The following TCF4 variants were observed in gnomAD, a reference collection of about 807,000 sequenced individuals.
TCF4 encodes SL3-3 enhancer factor 2.
In TCF4, 3 loss-of-function variants were observed where a neutral mutation model predicts 82.1. That is an observed-to-expected ratio of 0.04 (90% CI 0.02 to 0.09). The LOEUF is 0.09. TCF4 is among the 10% of genes least tolerant of loss of function. The pLI, the probability that TCF4 is intolerant of heterozygous loss-of-function variation, is 1.00. For missense variants in TCF4, 518 were observed against 852.7 expected, an observed-to-expected ratio of 0.61 and a Z score of 4.89; for synonymous variants, 276 against 309.6, an observed-to-expected ratio of 0.89 and a Z score of 1.14.
chr18:55,375,645 A>C (rs1170430368), intron 6 of TCF4, among the ~76,000 whole-genome samples: 1 of 152,200 alleles, frequency 6.6e-6, no homozygotes, highest in Non-Finnish European at 1.5e-5. Context: ...ACTAAAAAAA[A>C]CTACCAGAGG....
intron 2 of TCF4, among the ~76,000 whole-genome samples, chr18:55,597,480 C>T (rs1237400551): frequency 6.6e-6 from 1 of 151,978 alleles, no homozygotes; most frequent in African/African-American, 2.4e-5. Flanking sequence ...GCCTGGCCAA[C>T]ATGGTGAAAG....
At chr18:55,402,508 T>C (rs928659245) in intron 6 of TCF4, among the ~76,000 whole-genome samples, 8 of 150,370 alleles carry the variant, frequency 5.3e-5, no homozygotes, top group Non-Finnish European at 3.0e-5. Flanking sequence ...AAAAAAAAAG[T>C]ACATTTTGTT....
At position 55,588,070 on chromosome 18, in the gene TCF4, C is replaced by T; in HGVS notation, c.-53G>A. On this transcript the variant is annotated 5_prime_UTR_variant, in exon 1 of 20. Coordinates refer to ENST00000354452, the MANE Select transcript of TCF4 (RefSeq NM_001083962.2). ...GCGCGAGAAGGGGCTCTCCGTGCAC[C>T]GCCGGCGCCGAGGCGGCGTTCATGT... The T allele has an allele frequency of 1.0e-6, 1 of 993,002 alleles. No homozygotes were observed. Among genetic ancestry groups the T allele is most frequent in the Non-Finnish European group, 1.2e-6 (1 of 837,014 alleles). 61.5% of individuals were successfully genotyped at this position (993,002 alleles called of 1,614,324 possible).
chr18:55,287,268 G>A (rs1352766411), intron 8 of TCF4, among the ~76,000 whole-genome samples: 2 of 152,092 alleles, frequency 1.3e-5, no homozygotes, highest in African/African-American at 4.8e-5. Context: ...AATATATTTA[G>A]AACACAAACC....
chr18:55,417,150 C>T (rs80065909), intron 5 of TCF4, among the ~76,000 whole-genome samples: 1 of 152,056 alleles, frequency 6.6e-6, no homozygotes, highest in African/African-American at 2.4e-5. Flanking sequence ...TTTTTTTTAT[C>T]AAAGTTTAAA....
intron 6 of TCF4, among the ~76,000 whole-genome samples, chr18:55,353,627 A>C (rs1204053313): frequency 6.6e-6 from 1 of 152,218 alleles, no homozygotes; most frequent in Non-Finnish European, 1.5e-5. Context: ...GAGTATACTT[A>C]TAAAGCGAAC....
At chr18:55,490,683 T>C (rs2096566852) in intron 3 of TCF4, among the ~76,000 whole-genome samples, 1 of 152,100 alleles carries the variant, frequency 6.6e-6, no homozygotes, top group African/African-American at 2.4e-5. Context: ...TCAGGCACGT[T>C]AGCAACCTCA....
intron 2 of TCF4, among the ~76,000 whole-genome samples, chr18:55,610,053 C>G (rs1007707317): frequency 2.6e-5 from 4 of 151,944 alleles, no homozygotes; most frequent in Non-Finnish European, 4.4e-5. Context: ...GTTTCTTCAC[C>G]TAGTAGCACC....
chr18:55,455,451 G>C (rs2095726645), intron 5 of TCF4, among the ~76,000 whole-genome samples: 1 of 147,580 alleles, frequency 6.8e-6, no homozygotes, highest in South Asian at 2.2e-4. Context: ...TCCTTTCTCA[G>C]AAATTACTTG....
chr18:55,630,099 A>G lies in TCF4; in HGVS notation c.286+1199T>C, dbSNP rs576697249. Among the ~76,000 whole-genome samples, 6 of 152,334 alleles carry G rather than the reference A, an allele frequency of 3.9e-5. No individual in the cohort carries two copies. In the East Asian group the frequency reaches 1.2e-3, roughly 29 times the overall value. ...TGAAGACATTTGTGTCTTCAGCTAA[A>G]GTAAAGCAAAGGTTTGTTTTTTAAA... On this transcript the variant is annotated intron_variant, in intron 2 of 20. Coordinates refer to the TCF4 transcript ENST00000398339.
At chr18:55,390,521 T>C (rs1259251135) in intron 6 of TCF4, among the ~76,000 whole-genome samples, 2 of 152,134 alleles carry the variant, frequency 1.3e-5, no homozygotes, top group Non-Finnish European at 2.9e-5. Context: ...TAAGGCTCTA[T>C]ACAGCTGATT....
intron 17 of TCF4, 122 bp downstream of exon 17, chr18:55,232,387 A>C: frequency 1.8e-6 from 2 of 1,117,652 alleles, no homozygotes; most frequent in South Asian, 2.8e-5. Flanking sequence ...TAGGCCTTTA[A>C]TTTTCTTTTC....
intron 2 of TCF4, among the ~76,000 whole-genome samples, chr18:55,608,132 A>C (rs1314257344): frequency 2.0e-5 from 3 of 152,218 alleles, no homozygotes; most frequent in African/African-American, 4.8e-5. Flanking sequence ...ACAAAAAGAT[A>C]ATATTAATTC....
At chr18:55,422,203 CACGCCGA>C (rs2094796861) in intron 5 of TCF4, 34 of 980,644 alleles carry the variant, frequency 3.5e-5, no homozygotes, top group Admixed American at 6.4e-5. Context: ...TTATGGGTAG[CACGCCGA>C]GGGAGGCACC....
At chr18:55,460,147 G>C (rs1011594277) in intron 5 of TCF4, among the ~76,000 whole-genome samples, 1 of 152,136 alleles carries the variant, frequency 6.6e-6, no homozygotes, top group Non-Finnish European at 1.5e-5. Context: ...TTGTCCAACA[G>C]ATTGTACCAA....
chr18:55,273,834 G>A (rs2060903313), intron 10 of TCF4, among the ~76,000 whole-genome samples: 1 of 152,102 alleles, frequency 6.6e-6, no homozygotes, highest in East Asian at 1.9e-4. Flanking sequence ...TTTCTAAAAG[G>A]AATATAGTTG....
chr18:55,586,372 G>A, intron 2 of TCF4: 2 of 575,056 alleles, frequency 3.5e-6, no homozygotes, highest in Non-Finnish European at 6.2e-6. Context: ...CTGGGACTTG[G>A]TTTAGGAAAA....
chr18:55,273,930 C>T (rs992515737), intron 10 of TCF4, among the ~76,000 whole-genome samples: 10 of 152,044 alleles, frequency 6.6e-5, no homozygotes, highest in African/African-American at 2.2e-4. Flanking sequence ...AGGATAAAAT[C>T]AAATCGCCTA....
Position 55,602,981 on chromosome 18 carries a change from T to C in TCF4, c.287-15845A>G, listed in dbSNP as rs117097230. On this transcript the variant is annotated intron_variant, in intron 2 of 20. Transcript: ENST00000398339. ...AAAATGAACATAATGTAAAATGTAA[T>C]AGGTGATGCTTCCCCATTCAATTCA... Among the ~76,000 whole-genome samples the C allele has an allele frequency of 4.6e-5, 7 of 152,266 alleles. No homozygotes were observed. The East Asian group carries it at 1.4e-3, about 29-fold the overall frequency.
Sources: gnomAD v4.1 joint callset for allele counts (sites outside exome capture counted in the v4.1 genomes callset) on GRCh38, gnomAD v4.1.1 for gene constraint, MANE v1.5 for transcripts, NCBI Gene and HGNC (gene_info 2026-07-23, HGNC 2026-07-21) for gene names.